The following CNTLN variants were observed in gnomAD, a reference collection of about 807,000 sequenced individuals.
CNTLN encodes the protein centlein.
Under a neutral mutation model 180.0 loss-of-function variants are expected in CNTLN, and 212 were observed. The ratio of observed to expected loss-of-function variants is 1.18; its 90% CI spans 1.05 to 1.32. CNTLN has a LOEUF of 1.32. Ranked by LOEUF, CNTLN falls within the 40% of genes most tolerant of loss-of-function variation. The pLI is 0.00. For missense variants in CNTLN, 2,095 were observed against 1,610.9 expected, an observed-to-expected ratio of 1.30 and a Z score of -5.14; for synonymous variants, 722 against 563.1, an observed-to-expected ratio of 1.28 and a Z score of -3.99.
intron 19 of CNTLN, among the ~76,000 whole-genome samples, chr9:17,461,648 A>T (rs1831454666): frequency 6.6e-6 from 1 of 151,818 alleles, no homozygotes; most frequent in African/African-American, 2.4e-5. Context: ...AGCATGAGTC[A>T]AACATCCAAA....
chr9:17,249,913 T>A (rs10962944), intron 5 of CNTLN, among the ~76,000 whole-genome samples: 36,420 of 146,588 alleles, frequency 0.25, 4,689 homozygotes, highest in South Asian at 0.36. Flanking sequence ...TAATGTTGTT[T>A]AAGCCATCTT....
In CNTLN at chr9:17,295,989, AGAGAGAGAGTGTGTGTGTGT is replaced by A. The variant is rs1340315987; in HGVS notation, c.984-2199_984-2180del. Among the ~76,000 whole-genome samples, 774 of 83,424 alleles carry A rather than the reference AGAGAGAGAGTGTGTGTGTGT, an allele frequency of 9.3e-3. 8 individuals carry two copies. Among genetic ancestry groups the A allele is most frequent in the African/African-American group, 0.042 (746 of 17,844 alleles). 54.7% of individuals were successfully genotyped at this position (83,424 alleles called of 152,430 possible). A position where few individuals can be genotyped will look rare whatever the true frequency, so the allele number is the denominator to read the frequency against. ...TTCAGTGAGAGAGAGAGAGAGAGAG[AGAGAGAGAGTGTGTGTGTGT>A]GTGTGTGTGTGTGTGTGTGTGTGTG... On this transcript the variant is annotated intron_variant, in intron 6 of 25. Coordinates refer to ENST00000380647, the MANE Select transcript of CNTLN (RefSeq NM_017738.4).
chr9:17,187,912 A>C (rs1238583076), intron 2 of CNTLN, among the ~76,000 whole-genome samples: 2 of 151,252 alleles, frequency 1.3e-5, no homozygotes, highest in African/African-American at 2.4e-5. Context: ...GAGTTTTATC[A>C]TGAAATATTT....
chr9:17,191,576 A>G (rs1393505969), intron 2 of CNTLN, among the ~76,000 whole-genome samples: 1 of 152,220 alleles, frequency 6.6e-6, no homozygotes, highest in Non-Finnish European at 1.5e-5. Context: ...ATTTTGGAAT[A>G]GAGAATCTTT....
intron 23 of CNTLN, among the ~76,000 whole-genome samples, chr9:17,468,754 C>T (rs1457780731): frequency 3.3e-5 from 5 of 151,542 alleles, no homozygotes; most frequent in Admixed American, 6.6e-5. Flanking sequence ...CAAAGTAGTT[C>T]AGCAAAAATT....
rs574876539 is a variant in CNTLN at position 17,260,719 on chromosome 9, GT to G, written c.850-13012del. On this transcript the variant is annotated intron_variant, in intron 5 of 25. Transcript: ENST00000380647. The stretch of plus-strand genomic sequence containing the variant: ...AATTAGATCCCATTTGTCAATTTTT[GT>G]TGCAGTTGCTTTTGATGTCTTCATC... 2.2e-3 allele frequency among the ~76,000 whole-genome samples: 337 copies of G among 151,488 alleles called. 12 individuals are homozygous for G. The highest frequency in any genetic ancestry group is 8.0e-3 in the African/African-American group (329 of 40,984).
intron 25 of CNTLN, 97 bp from the exon 26 acceptor site, chr9:17,502,454 C>A: frequency 1.7e-6 from 1 of 580,384 alleles, no homozygotes; most frequent in Non-Finnish European, 2.9e-6. Flanking sequence ...TGCAAAGTTG[C>A]AGACATCTAA....
At chr9:17,147,980 T>C (rs1818572889) in intron 2 of CNTLN, among the ~76,000 whole-genome samples, 1 of 152,232 alleles carries the variant, frequency 6.6e-6, no homozygotes, top group African/African-American at 2.4e-5. Flanking sequence ...TATACTACTA[T>C]ACTTCATATG....
intron 2 of CNTLN, among the ~76,000 whole-genome samples, chr9:17,204,336 G>GT (rs961739704): frequency 1.2e-4 from 18 of 151,894 alleles, no homozygotes; most frequent in East Asian, 5.8e-4. Context: ...CTTTGGATGG[G>GT]TTTTTTTTGT....
intron 6 of CNTLN, among the ~76,000 whole-genome samples, chr9:17,274,453 A>ATATT (rs1828159039): frequency 7.2e-6 from 1 of 138,774 alleles, no homozygotes; most frequent in South Asian, 2.4e-4. Context: ...TCATAGATCA[A>ATATT]TATCTATCTA....
chr9:17,394,867 G>A lies in CNTLN; in HGVS notation c.2413G>A (p.Ala805Thr). The A allele has an allele frequency of 6.2e-7, 1 of 1,614,020 alleles. No homozygotes were observed. The highest frequency in any genetic ancestry group is 8.5e-7 in the Non-Finnish European group (1 of 1,179,948). The change falls in exon 15 of 26, where the codon GCT becomes ACT. Residue 805 changes from alanine to threonine, a missense_variant. Transcript: ENST00000380647. The part of the protein sequence containing the change: ...MEKSHQSADR[A>T]KSEMATMKVR... ...GAAATCACACCAGTCAGCAGACAGA[G>A]CTAAATCCGAGATGGCCACCATGAA...
intron 5 of CNTLN, among the ~76,000 whole-genome samples, chr9:17,267,790 C>G (rs201254350): frequency 6.6e-6 from 1 of 152,172 alleles, no homozygotes; most frequent in African/African-American, 2.4e-5. Flanking sequence ...TCATTCATTT[C>G]ATCTTCCATC....
chr9:17,385,427 T>G (rs1462012018), intron 13 of CNTLN, among the ~76,000 whole-genome samples: 1 of 152,190 alleles, frequency 6.6e-6, no homozygotes, highest in Non-Finnish European at 1.5e-5. Flanking sequence ...GTCCTCATCT[T>G]GAACCTATCT....
Position 17,457,594 on chromosome 9 carries a change from C to A in CNTLN, c.3185C>A (p.Ser1062Tyr). 1 of 1,562,894 alleles carries A rather than the reference C, an allele frequency of 6.4e-7. No homozygotes were observed. Among genetic ancestry groups the A allele is most frequent in the Non-Finnish European group, 8.7e-7 (1 of 1,152,632 alleles). The part of the protein sequence containing the change: ...EDLLKKLESS[S>Y]EITSLAEENS... ...TTACTAAAGAAATTGGAGTCCTCAT[C>A]TGAAATCACAAGTTTGGCAGAAGAA... The change falls in exon 19 of 26, where the codon TCT becomes TAT. Residue 1062 changes from serine to tyrosine, a missense_variant. Physicochemically the swap from Ser to Tyr is moderately radical, Grantham distance 144. Coordinates refer to ENST00000380647, the MANE Select transcript of CNTLN (RefSeq NM_017738.4).
chr9:17,262,599 A>C (rs1038825310), intron 5 of CNTLN, among the ~76,000 whole-genome samples: 6 of 151,458 alleles, frequency 4.0e-5, no homozygotes, highest in African/African-American at 1.5e-4. Context: ...GGGGAGGGAG[A>C]GCATTACGAC....
At chr9:17,351,060 A>G (rs1310589374) in intron 12 of CNTLN, among the ~76,000 whole-genome samples, 1 of 152,204 alleles carries the variant, frequency 6.6e-6, no homozygotes, top group Non-Finnish European at 1.5e-5. Context: ...TACTTTTTCA[A>G]ATTCTCGCCA....
At chr9:17,188,470 T>G (rs1821575091) in intron 2 of CNTLN, among the ~76,000 whole-genome samples, 1 of 152,150 alleles carries the variant, frequency 6.6e-6, no homozygotes, top group African/African-American at 2.4e-5. Flanking sequence ...GCAAATGACT[T>G]ATTTTACCGA....
At chr9:17,195,577 A>C (rs1423055109) in intron 2 of CNTLN, among the ~76,000 whole-genome samples, 1 of 152,202 alleles carries the variant, frequency 6.6e-6, no homozygotes, top group Non-Finnish European at 1.5e-5. Flanking sequence ...GTATACTTAT[A>C]GGTACTTAAT....
chr9:17,280,655 C>A (rs1031396452), intron 6 of CNTLN, among the ~76,000 whole-genome samples: 3 of 152,150 alleles, frequency 2.0e-5, no homozygotes, highest in Non-Finnish European at 4.4e-5. Context: ...GTGAAGACAT[C>A]AGGTCACTGA....
Sources: allele counts gnomAD v4.1 joint callset (sites outside exome capture counted in the v4.1 genomes callset), GRCh38; gene constraint gnomAD v4.1.1; transcripts MANE v1.5; gene names NCBI Gene and HGNC (gene_info 2026-07-23, HGNC 2026-07-21).